The following AP3S2 variants were observed in gnomAD, a reference collection of about 807,000 sequenced individuals.
AP3S2 encodes adaptor related protein complex 3 subunit sigma 2.
Under a neutral mutation model 23.4 loss-of-function variants are expected in AP3S2, and 22 were observed. The observed-to-expected ratio is 0.94, with a 90% CI of 0.67 to 1.34. The LOEUF is 1.34. AP3S2 is among the 40% of genes most tolerant of loss of function. The probability of loss-of-function intolerance (pLI) is 0.00; values close to 1 mark genes in which losing one functional copy is unlikely to be tolerated. For missense variants in AP3S2, 241 were observed against 236.9 expected, an observed-to-expected ratio of 1.02 and a Z score of -0.11; for synonymous variants, 86 against 87.1, an observed-to-expected ratio of 0.99 and a Z score of 0.07.
At chr15:89,866,143 T>A (rs971894160) in intron 4 of AP3S2, among the ~76,000 whole-genome samples, 2 of 150,204 alleles carry the variant, frequency 1.3e-5, no homozygotes, top group Non-Finnish European at 2.9e-5. Flanking sequence ...GCACCTGTAG[T>A]CCCAGCTACT....
At chr15:89,844,265 TTCTTTCTCTC>T (rs1209110910) in intron 4 of AP3S2, among the ~76,000 whole-genome samples, 8 of 16,192 alleles carry the variant, frequency 4.9e-4, no homozygotes, top group African/African-American at 9.2e-4. Flanking sequence ...CTTTCTTTCT[TTCTTTCTCTC>T]TCTCTCTCTT....
At chr15:89,882,360 C>A (rs1462671249) in intron 3 of AP3S2, among the ~76,000 whole-genome samples, 1 of 151,118 alleles carries the variant, frequency 6.6e-6, no homozygotes, top group African/African-American at 2.4e-5. Context: ...TCTGCTTTGA[C>A]CTACTCTTTT....
chr15:89,884,540 A>G (rs1466405730), intron 3 of AP3S2, among the ~76,000 whole-genome samples: 1 of 152,186 alleles, frequency 6.6e-6, no homozygotes, highest in Non-Finnish European at 1.5e-5. Flanking sequence ...CAAAAAGAAA[A>G]AAAAGGCAGG....
At chr15:89,854,173 G>T (rs1386646191) in intron 4 of AP3S2, among the ~76,000 whole-genome samples, 1 of 29,714 alleles carries the variant, frequency 3.4e-5, no homozygotes, top group African/African-American at 1.3e-4. Context: ...GAGGTGGGGG[G>T]GTCAGCCCCC....
chr15:89,838,864 G>A (rs576776888), intron 4 of AP3S2, among the ~76,000 whole-genome samples: 66 of 152,264 alleles, frequency 4.3e-4, no homozygotes, highest in Middle Eastern at 3.4e-3. Flanking sequence ...GTATGGGCAG[G>A]TATGGGGAGC....
intron 4 of AP3S2, among the ~76,000 whole-genome samples, chr15:89,856,591 A>T (rs916263938): frequency 2.6e-5 from 4 of 151,538 alleles, no homozygotes; most frequent in Non-Finnish European, 4.4e-5. Flanking sequence ...AATCCCAGCT[A>T]CTCGGAAGGC....
At chr15:89,882,074 G>A (rs577598032) in intron 3 of AP3S2, among the ~76,000 whole-genome samples, 5 of 151,702 alleles carry the variant, frequency 3.3e-5, no homozygotes, top group African/African-American at 4.8e-5. Flanking sequence ...CGCCCGCCTC[G>A]GCCTCCCAAA....
rs1375773187 is a variant in AP3S2, at chr15:89,858,509, GAGAGAGAGAGAGAGAGAAAGAAAGAA to G, written c.345+12940_345+12965del. Among the ~76,000 whole-genome samples the G allele has an allele frequency of 1.0e-2, 1,270 of 127,482 alleles. 6 individuals are homozygous for G. The highest frequency in any genetic ancestry group is 0.013 in the Non-Finnish European group (820 of 61,582). The allele number at this position is 127,482 out of a possible 152,430, so 83.6% of individuals were successfully genotyped here. On this transcript the variant is annotated intron_variant, in intron 4 of 5. Transcript: ENST00000336418. ...AAAGAAAGAAAGAGAGAGAGAGAGAGAGAGAGAGAGAGAGAGAAAGAAAGAAAGAAAGAAAGAAAGAAAGAAAGAAA... is the reference window on the plus strand; with the variant it reads ...AAAGAAAGAAAGAGAGAGAGAGAGAGAGAAAGAAAGAAAGAAAGAAAGAAA...
intron 3 of AP3S2, among the ~76,000 whole-genome samples, chr15:89,882,784 A>C (rs192337075): frequency 2.6e-5 from 4 of 152,330 alleles, no homozygotes; most frequent in Admixed American, 6.5e-5. Context: ...ACTATTATAC[A>C]TTCTGAAAAC....
chr15:89,889,654 T>C (rs186089927), intron 1 of AP3S2, among the ~76,000 whole-genome samples: 5 of 151,500 alleles, frequency 3.3e-5, no homozygotes, highest in Admixed American at 6.6e-5. Flanking sequence ...ACCAATATGG[T>C]GAAACCCCAT....
intron 3 of AP3S2, among the ~76,000 whole-genome samples, chr15:89,878,470 G>A (rs894334049): frequency 1.3e-5 from 2 of 152,130 alleles, no homozygotes; most frequent in Non-Finnish European, 2.9e-5. Context: ...CCAAAGATAC[G>A]CAGCCTCACC....
chr15:89,835,958 G>A (rs1321145609), intron 5 of AP3S2, among the ~76,000 whole-genome samples: 2 of 152,106 alleles, frequency 1.3e-5, no homozygotes, highest in African/African-American at 4.8e-5. Context: ...AACTCAGAAG[G>A]CGGAGGTTGC....
intron 4 of AP3S2, chr15:89,845,850 A>G (rs1419370336): frequency 6.6e-6 from 1 of 152,260 alleles, no homozygotes; most frequent in African/African-American, 2.4e-5. Context: ...TAATAATTCA[A>G]CCTTCTACTC....
At chr15:89,844,482 C>T (rs952932082) in intron 4 of AP3S2, among the ~76,000 whole-genome samples, 2 of 151,790 alleles carry the variant, frequency 1.3e-5, no homozygotes, top group African/African-American at 4.8e-5. Flanking sequence ...GGCCTATAGG[C>T]ATGTGCCACC....
intron 4 of AP3S2, 110 bp from the exon 5 acceptor site, chr15:89,837,832 G>C: frequency 7.7e-7 from 1 of 1,291,630 alleles, no homozygotes; most frequent in Non-Finnish European, 1.1e-6. Context: ...GACCTGTCCT[G>C]ACTCACAACT....
At chr15:89,841,803 C>G (rs112583926) in intron 4 of AP3S2, among the ~76,000 whole-genome samples, 2,303 of 151,950 alleles carry the variant, frequency 0.015, 66 homozygotes, top group African/African-American at 0.052. Flanking sequence ...GAAAAACTTG[C>G]CTATTTAAAG....
intron 4 of AP3S2, among the ~76,000 whole-genome samples, chr15:89,858,514 AG>A (rs1895913145): frequency 4.0e-5 from 2 of 49,822 alleles, no homozygotes; most frequent in East Asian, 1.1e-3. Context: ...AGAGAGAGAG[AG>A]AGAGAGAGAG....
At chr15:89,890,267 C>T (rs895795917) in intron 1 of AP3S2, among the ~76,000 whole-genome samples, 2 of 152,166 alleles carry the variant, frequency 1.3e-5, no homozygotes, top group Non-Finnish European at 2.9e-5. Flanking sequence ...TCAGGCTGGT[C>T]TTGAACTCCT....
chr15:89,866,487 C>CT lies in AP3S2; in HGVS notation c.345+4987dup, dbSNP rs926497551. ...GCAGCTGGCATTCCCAGACAACTTCCTTTTTTTTTTTTTTTGAAATGGAGT... is the reference window on the plus strand; with the variant it reads ...GCAGCTGGCATTCCCAGACAACTTCCTTTTTTTTTTTTTTTTGAAATGGAGT... On this transcript the variant is annotated intron_variant, in intron 4 of 5. Coordinates refer to ENST00000336418, the MANE Select transcript of AP3S2 (RefSeq NM_005829.5). 6.0e-3 allele frequency among the ~76,000 whole-genome samples: 831 copies of CT among 138,212 alleles called. 2 individuals are homozygous for CT. The highest frequency in any genetic ancestry group is 8.7e-3 in the Non-Finnish European group (545 of 62,920). 90.7% of individuals were successfully genotyped at this position (138,212 alleles called of 152,430 possible). A position where few individuals can be genotyped will look rare whatever the true frequency, so the allele number is the denominator to read the frequency against.
Sources: gnomAD v4.1 joint callset for allele counts (sites outside exome capture counted in the v4.1 genomes callset) on GRCh38, gnomAD v4.1.1 for gene constraint, MANE v1.5 for transcripts, NCBI Gene and HGNC (gene_info 2026-07-23, HGNC 2026-07-21) for gene names.